Variants in SORCS1 observed in about 807,000 individuals in gnomAD.
SORCS1 encodes sortilin related VPS10 domain containing receptor 1.
A neutral mutation model predicts 146.1 loss-of-function variants in SORCS1; 60 were observed. That is an observed-to-expected ratio of 0.41 (90% CI 0.33 to 0.51). The LOEUF (loss-of-function observed/expected upper bound fraction) is 0.51, where lower values mean the gene tolerates loss of function less well. SORCS1 is among the 20% of genes least tolerant of loss of function. SORCS1 has a pLI of 0.21. For synonymous variants in SORCS1, 637 were observed against 584.0 expected (o/e 1.09, Z -1.31); for missense variants, 1,352 against 1,487.6 (o/e 0.91, Z 1.50).
At chr10:107,167,625 C>G (rs1308113952), upstream of SORCS1, among the ~76,000 whole-genome samples, 1 of 152,064 alleles carries the variant, frequency 6.6e-6, no homozygotes, top group African/African-American at 2.4e-5. Context: ...TACAAGGGCA[C>G]AAGCACACTC....
At chr10:106,738,881 TCTCA>T (rs1857154646) in intron 5 of SORCS1, among the ~76,000 whole-genome samples, 1 of 151,746 alleles carries the variant, frequency 6.6e-6, no homozygotes, top group Admixed American at 6.6e-5. Flanking sequence ...AATCCCAGGG[TCTCA>T]CTATACTGCC....
chr10:106,581,819 A>T (rs1407238924), intron 24 of SORCS1, among the ~76,000 whole-genome samples: 1 of 152,186 alleles, frequency 6.6e-6, no homozygotes, highest in Non-Finnish European at 1.5e-5. Context: ...CATCACATCA[A>T]GGAAATTATA....
intron 17 of SORCS1, among the ~76,000 whole-genome samples, chr10:106,665,111 G>A (rs1475269379): frequency 6.6e-6 from 1 of 152,050 alleles, no homozygotes; most frequent in Non-Finnish European, 1.5e-5. Context: ...CCTAACATCA[G>A]AAATAGGAAT....
At chr10:106,902,849 C>T (rs1951766083) in intron 2 of SORCS1, among the ~76,000 whole-genome samples, 2 of 152,150 alleles carry the variant, frequency 1.3e-5, no homozygotes, top group Admixed American at 6.5e-5. Context: ...GAGGCCAAGG[C>T]GAGTGGATCA....
intron 2 of SORCS1, among the ~76,000 whole-genome samples, chr10:106,861,094 G>A (rs138932153): frequency 5.9e-5 from 9 of 152,160 alleles, no homozygotes; most frequent in South Asian, 2.1e-4. Flanking sequence ...TTATTGTCCC[G>A]ACTTAAGAAT....
At chr10:106,844,314 ATTAAT>A (rs1949209456) in intron 2 of SORCS1, among the ~76,000 whole-genome samples, 1 of 151,952 alleles carries the variant, frequency 6.6e-6, no homozygotes, top group African/African-American at 2.4e-5. Flanking sequence ...AACTTTTTTG[ATTAAT>A]ATATTCCCAC....
intron 3 of SORCS1, among the ~76,000 whole-genome samples, chr10:106,787,941 A>C (rs1163340821): frequency 6.6e-6 from 1 of 152,212 alleles, no homozygotes; most frequent in African/African-American, 2.4e-5. Context: ...TCTGATCTTG[A>C]TTCAAGAGCT....
At chr10:107,145,584 A>G (rs1968257393) in intron 1 of SORCS1, among the ~76,000 whole-genome samples, 2 of 152,264 alleles carry the variant, frequency 1.3e-5, no homozygotes, top group Non-Finnish European at 2.9e-5. Flanking sequence ...AAAACAATTG[A>G]GCATAAATAA....
chr10:106,610,643 T>C (rs1002620883), intron 22 of SORCS1, among the ~76,000 whole-genome samples: 1 of 152,172 alleles, frequency 6.6e-6, no homozygotes, highest in African/African-American at 2.4e-5. Context: ...CAGGAAAGAA[T>C]GTTCAGCAAA....
At chr10:106,858,511 G>A (rs1949877467) in intron 2 of SORCS1, among the ~76,000 whole-genome samples, 1 of 149,862 alleles carries the variant, frequency 6.7e-6, no homozygotes, top group African/African-American at 2.4e-5. Flanking sequence ...TCCCAGCTGA[G>A]GTAGGAGAAT....
intron 1 of SORCS1, among the ~76,000 whole-genome samples, chr10:107,090,198 T>C (rs1285564436): frequency 6.6e-6 from 1 of 152,162 alleles, no homozygotes; most frequent in Admixed American, 6.5e-5. Flanking sequence ...CTGCGAGCAC[T>C]TTCCCCAGCA....
intron 4 of SORCS1, among the ~76,000 whole-genome samples, chr10:106,770,795 C>G (rs970306836): frequency 6.6e-6 from 1 of 152,254 alleles, no homozygotes; most frequent in African/African-American, 2.4e-5. Flanking sequence ...ATCCCTCCCT[C>G]CTTCTAAATG....
At chr10:106,723,856 A>AT in intron 6 of SORCS1, among the ~76,000 whole-genome samples, 1 of 152,276 alleles carries the variant, frequency 6.6e-6, no homozygotes, top group East Asian at 1.9e-4. Flanking sequence ...CTGTGGACCC[A>AT]TTTTTTCAGA....
chr10:107,050,118 A>C (rs2134044034), intron 1 of SORCS1, among the ~76,000 whole-genome samples: 1 of 152,340 alleles, frequency 6.6e-6, no homozygotes. Context: ...CCTTAACTTT[A>C]AAAATTAGCC....
intron 6 of SORCS1, 102 bp from the exon 7 acceptor site, chr10:106,709,443 A>G (rs903645492): frequency 4.3e-6 from 1 of 233,728 alleles, no homozygotes; most frequent in East Asian, 1.1e-4. Context: ...ACCATTTCCA[A>G]TTTTTTTTTT....
chr10:107,148,694 AT>A (rs1235008766), intron 1 of SORCS1, among the ~76,000 whole-genome samples: 2 of 152,206 alleles, frequency 1.3e-5, no homozygotes, highest in Non-Finnish European at 2.9e-5. Flanking sequence ...TAGGGTACTT[AT>A]AAAGTTGGTG....
rs745964674 is a variant in SORCS1 at position 107,163,962 on chromosome 10, T to C, written c.558+7A>G. ...CACCCCTTTACCCTCAGTCCCATTC[T>C]ACTCACGCTGCTGTTGTGGCCAGAC... On this transcript the variant is annotated splice_region_variant and intron_variant, in intron 1 of 25. Transcript: ENST00000263054. 29 of 1,609,918 alleles carry C rather than the reference T, an allele frequency of 1.8e-5. No individual in the cohort carries two copies. The Admixed American group carries it at 2.2e-4, about 12-fold the overall frequency.
chr10:106,698,366 A>AT (rs1467573882), intron 9 of SORCS1, among the ~76,000 whole-genome samples: 2 of 152,150 alleles, frequency 1.3e-5, no homozygotes, highest in Non-Finnish European at 2.9e-5. Context: ...TCCATTTTAG[A>AT]TTTTTTTCAG....
chr10:107,114,165 C>G (rs973335885), intron 1 of SORCS1, among the ~76,000 whole-genome samples: 1 of 151,996 alleles, frequency 6.6e-6, no homozygotes, highest in South Asian at 2.1e-4. Context: ...AACCTCCCAA[C>G]AAAAAAATTC....
Sources: gnomAD v4.1 joint callset for allele counts (sites outside exome capture counted in the v4.1 genomes callset) on GRCh38, gnomAD v4.1.1 for gene constraint, MANE v1.5 for transcripts, NCBI Gene and HGNC (gene_info 2026-07-23, HGNC 2026-07-21) for gene names.